Variants in PIGK observed in about 807,000 individuals in gnomAD.
The protein encoded by PIGK is GPI-anchor transamidase.
PIGK carries 42 observed loss-of-function variants against 50.6 expected under a neutral mutation model. The ratio of observed to expected loss-of-function variants is 0.83; its 90% CI spans 0.65 to 1.07. The LOEUF is 1.07. Among genes scored for constraint, PIGK ranks in the 50% least tolerant of loss-of-function variants. PIGK has a pLI of 0.00. For missense variants in PIGK, 448 were observed against 488.7 expected, an observed-to-expected ratio of 0.92 and a Z score of 0.78; for synonymous variants, 151 against 156.0, an observed-to-expected ratio of 0.97 and a Z score of 0.24.
chr1:77,110,241 C>T (rs1653804766), intron 10 of PIGK, among the ~76,000 whole-genome samples: 1 of 152,112 alleles, frequency 6.6e-6, no homozygotes, highest in South Asian at 2.1e-4. Flanking sequence ...ACTTTCTTCA[C>T]AGAATTGGAA....
chr1:77,203,457 G>T (rs112279760), intron 3 of PIGK, among the ~76,000 whole-genome samples: 1 of 152,118 alleles, frequency 6.6e-6, no homozygotes, highest in Non-Finnish European at 1.5e-5. Flanking sequence ...AACCTCACCT[G>T]CATGGAACTT....
chr1:77,133,873 T>C (rs376568136), intron 9 of PIGK, among the ~76,000 whole-genome samples: 1 of 152,178 alleles, frequency 6.6e-6, no homozygotes, highest in Non-Finnish European at 1.5e-5. Flanking sequence ...TTTTGGACTA[T>C]TGTCCTGCAC....
chr1:77,183,714 C>T (rs931658277), intron 3 of PIGK, among the ~76,000 whole-genome samples: 3 of 151,970 alleles, frequency 2.0e-5, no homozygotes, highest in African/African-American at 4.8e-5. Flanking sequence ...TGTTGCACCT[C>T]GAGGAGGGGG....
In PIGK at chr1:77,108,911, G is replaced by A. The variant is rs983492300; in HGVS notation, c.1071+13364C>T. The stretch of plus-strand genomic sequence containing the variant: ...CTACTGAAGCGTGTGCATTTGTCAC[G>A]TAGTTCTTGTGCCATGGTTTTCAGC... On this transcript the variant is annotated intron_variant, in intron 10 of 10. Transcript: ENST00000370812. Among the ~76,000 whole-genome samples, 7 of 152,090 alleles carry A rather than the reference G, an allele frequency of 4.6e-5. No individual in the cohort carries two copies. The East Asian group carries it at 9.6e-4, about 21-fold the overall frequency.
intron 6 of PIGK, among the ~76,000 whole-genome samples, chr1:77,162,913 T>A (rs1030039656): frequency 8.5e-5 from 13 of 152,164 alleles, no homozygotes; most frequent in African/African-American, 3.1e-4. Context: ...ATCCTAGCTG[T>A]GTCAAGTTTG....
intron 3 of PIGK, among the ~76,000 whole-genome samples, chr1:77,203,172 C>T (rs839818): frequency 0.17 from 25,936 of 152,102 alleles, 3,743 homozygotes; most frequent in African/African-American, 0.39. Context: ...TACTAAACTG[C>T]AATTTATGTG....
At chr1:77,146,803 A>T (rs978790981) in intron 9 of PIGK, among the ~76,000 whole-genome samples, 1 of 152,058 alleles carries the variant, frequency 6.6e-6, no homozygotes, top group African/African-American at 2.4e-5. Context: ...TCTAAAAAAA[A>T]AAAAGTAAAA....
intron 10 of PIGK, among the ~76,000 whole-genome samples, chr1:77,096,881 C>CTTTTTTTTTTTTTTT (rs141858558): frequency 1.0e-4 from 13 of 124,266 alleles, no homozygotes; most frequent in African/African-American, 1.5e-4. Context: ...TCGGGTTTTT[C>CTTTTTTTTTTTTTTT]TTTTTTTTTT....
In PIGK at chr1:77,169,241, G is replaced by A; in HGVS notation, c.375+19C>T. The A allele has an allele frequency of 2.0e-6, 3 of 1,468,488 alleles. No individual in the cohort carries two copies. The highest frequency in any genetic ancestry group is 2.8e-6 in the Non-Finnish European group (3 of 1,087,342). 91.0% of individuals were successfully genotyped at this position (1,468,488 alleles called of 1,614,324 possible). A position where few individuals can be genotyped will look rare whatever the true frequency, so the allele number is the denominator to read the frequency against. Reference sequence around the variant, plus strand: ...GTAACAATGCCATTTTAAAAATGTGGCTAGATTAAAGAATTTACCTCGTAA... The same window carrying A: ...GTAACAATGCCATTTTAAAAATGTGACTAGATTAAAGAATTTACCTCGTAA... On this transcript the variant is annotated intron_variant, in intron 4 of 10. Coordinates refer to ENST00000370812, the MANE Select transcript of PIGK (RefSeq NM_005482.3).
At chr1:77,177,655 A>G (rs1273269893) in intron 3 of PIGK, among the ~76,000 whole-genome samples, 1 of 152,078 alleles carries the variant, frequency 6.6e-6, no homozygotes, top group East Asian at 1.9e-4. Flanking sequence ...TTCCCACTCC[A>G]CACCTCTATA....
chr1:77,128,095 A>G (rs4509622), intron 9 of PIGK, among the ~76,000 whole-genome samples: 100,519 of 152,044 alleles, frequency 0.66, 33,925 homozygotes, highest in African/African-American at 0.81. Flanking sequence ...GTGAAAACAG[A>G]TTATACAGCA....
Position 77,166,823 on chromosome 1 carries a change from A to C in PIGK, c.383T>G (p.Val128Gly). ...EVDYRSYEVT[V>G]ENFLRVLTGR... The stretch of plus-strand genomic sequence containing the variant: ...AGTTAATACCCGTAAAAAATTCTCC[A>C]CAGTTACCTAAGGGGGAAAAAACAA... The change falls in exon 5 of 11, where the codon GTG becomes GGG. Residue 128 changes from valine to glycine, a missense_variant. Val to Gly is a moderately radical substitution (Grantham distance 109, BLOSUM62 -3). Transcript: ENST00000370812. The C allele has an allele frequency of 1.3e-6, 2 of 1,512,744 alleles. No homozygotes were observed. Among genetic ancestry groups the C allele is most frequent in the Non-Finnish European group, 1.8e-6 (2 of 1,096,636 alleles). 93.7% of individuals were successfully genotyped at this position (1,512,744 alleles called of 1,614,324 possible).
At chr1:77,116,587 TGTGTGTGTGC>T (rs137968454) in intron 10 of PIGK, among the ~76,000 whole-genome samples, 21,935 of 118,326 alleles carry the variant, frequency 0.19, 1,725 homozygotes, top group East Asian at 0.38. Flanking sequence ...TGTGTGTGTG[TGTGTGTGTGC>T]GCGTGTGTGT....
chr1:77,153,177 C>T (rs1317471106), intron 9 of PIGK, among the ~76,000 whole-genome samples: 1 of 151,936 alleles, frequency 6.6e-6, no homozygotes, highest in African/African-American at 2.4e-5. Context: ...GTTATTCAGC[C>T]ACAAAAAAGA....
At chr1:77,117,237 T>C (rs1653998727) in intron 10 of PIGK, among the ~76,000 whole-genome samples, 1 of 152,202 alleles carries the variant, frequency 6.6e-6, no homozygotes, top group African/African-American at 2.4e-5. Context: ...GGATTTTTGG[T>C]TTGCTCTTTC....
At chr1:77,099,087 A>G (rs746878111) in intron 10 of PIGK, among the ~76,000 whole-genome samples, 3 of 152,158 alleles carry the variant, frequency 2.0e-5, no homozygotes, top group Admixed American at 1.3e-4. Context: ...CAGTGGCTAC[A>G]TAATAAAAAA....
intron 9 of PIGK, among the ~76,000 whole-genome samples, chr1:77,147,840 C>G (rs1654805207): frequency 2.0e-5 from 3 of 152,168 alleles, no homozygotes; most frequent in Admixed American, 2.0e-4. Flanking sequence ...TATGCAGAAA[C>G]AAAGGGTTGT....
intron 9 of PIGK, among the ~76,000 whole-genome samples, chr1:77,141,259 T>C (rs1028307468): frequency 6.6e-6 from 1 of 152,178 alleles, no homozygotes; most frequent in African/African-American, 2.4e-5. Context: ...CACTTAGTTA[T>C]CATGTGACAT....
At chr1:77,196,083 G>A (rs1656029178) in intron 3 of PIGK, among the ~76,000 whole-genome samples, 1 of 152,114 alleles carries the variant, frequency 6.6e-6, no homozygotes, top group African/African-American at 2.4e-5. Context: ...TGTAGTATCT[G>A]GTTTTCTGTT....
Sources: allele counts gnomAD v4.1 joint callset (sites outside exome capture counted in the v4.1 genomes callset), GRCh38; gene constraint gnomAD v4.1.1; transcripts MANE v1.5; gene names NCBI Gene and HGNC (gene_info 2026-07-23, HGNC 2026-07-21).